CCDC136: variants seen among roughly 807,000 people sequenced by gnomAD.
CCDC136 encodes coiled-coil domain containing 136, also known as coiled-coil domain-containing protein 136.
Under a neutral mutation model 141.2 loss-of-function variants are expected in CCDC136, and 100 were observed. The observed-to-expected ratio is 0.71, with a 90% CI of 0.60 to 0.84. The LOEUF (loss-of-function observed/expected upper bound fraction) is 0.84. Ranked by LOEUF, CCDC136 falls within the 40% of genes least tolerant of loss-of-function variation. CCDC136 has a pLI of 0.00. For missense variants in CCDC136, 1,206 were observed against 1,379.4 expected, an observed-to-expected ratio of 0.87 and a Z score of 1.99; for synonymous variants, 474 against 531.9, an observed-to-expected ratio of 0.89 and a Z score of 1.50.
At chr7:128,809,751 C>A in intron 11 of CCDC136, 107 bp downstream of exon 11, 2 of 813,702 alleles carry the variant, frequency 2.5e-6, no homozygotes, top group Non-Finnish European at 3.8e-6. Flanking sequence ...TTTCTCTTAC[C>A]AACCACTCCT....
chr7:128,812,524 A>G (rs570430798), intron 13 of CCDC136, among the ~76,000 whole-genome samples, 184 bp from the exon 14 acceptor site: 1 of 152,160 alleles, frequency 6.6e-6, no homozygotes, highest in African/African-American at 2.4e-5. Flanking sequence ...ACAGAGGCCC[A>G]TAAGATTCAG....
chr7:128,812,702 C>G lies in CCDC136; in HGVS notation c.2542-6C>G. The G allele has an allele frequency of 6.2e-7, 1 of 1,610,016 alleles. No homozygotes were observed. On this transcript the variant is annotated splice_polypyrimidine_tract_variant and splice_region_variant and intron_variant, in intron 13 of 17. Coordinates refer to ENST00000297788, the MANE Select transcript of CCDC136 (RefSeq NM_022742.5). Reference sequence around the variant, plus strand: ...GGTGCTATTGTTGCTCCCCCACCCCCCGCAGCGCTTTGAGGAAATGGTTGT... The same window carrying G: ...GGTGCTATTGTTGCTCCCCCACCCCGCGCAGCGCTTTGAGGAAATGGTTGT...
At chr7:128,815,330 T>C (rs1806426189) in intron 15 of CCDC136, among the ~76,000 whole-genome samples, 1 of 152,220 alleles carries the variant, frequency 6.6e-6, no homozygotes, top group Non-Finnish European at 1.5e-5. Flanking sequence ...AGAGTCACTG[T>C]AGGGGTGGGA....
At position 128,805,541 on chromosome 7, in the gene CCDC136, G is replaced by A; in HGVS notation, c.948+17G>A. ...AAGAACAAGGTAGGGCACAGAGGGT[G>A]GGGAAGGCAGGCACATTTCTTGTCT... On this transcript the variant is annotated intron_variant, in intron 6 of 17. Transcript: ENST00000297788. This position sits in a 1 kb window ranked among gnomAD's most constrained non-coding sequence, Gnocchi z 4.6. 6.3e-7 allele frequency: 1 copy of A among 1,585,968 alleles called. No individual in the cohort carries two copies. The highest frequency in any genetic ancestry group is 8.6e-7 in the Non-Finnish European group (1 of 1,164,868).
intron 9 of CCDC136, 49 bp downstream of exon 9, chr7:128,806,907 G>C: frequency 6.5e-7 from 1 of 1,542,532 alleles, no homozygotes; most frequent in South Asian, 1.3e-5. Flanking sequence ...ATCATCTTGT[G>C]TGAGGGTGAG....
chr7:128,816,859 G>T (rs1306607747), intron 16 of CCDC136, among the ~76,000 whole-genome samples: 1 of 152,210 alleles, frequency 6.6e-6, no homozygotes. Flanking sequence ...CAACTCTGAG[G>T]ATATCTGGAA....
In CCDC136 at chr7:128,801,377, A is replaced by G. The variant is rs777379017; in HGVS notation, c.538A>G (p.Asn180Asp). 1 of 1,613,508 alleles carries G rather than the reference A, an allele frequency of 6.2e-7. No individual in the cohort carries two copies. Among genetic ancestry groups the G allele is most frequent in the Non-Finnish European group, 8.5e-7 (1 of 1,179,678 alleles). Residue 180 changes from asparagine to aspartate, a missense_variant, in exon 4 of 18, where the codon AAT becomes GAT. Transcript: ENST00000297788. ...GCAGGAGGATCTCTGCCGGATGCAG[A>G]ATGAACTTGAAGACATGGAACGCAT... ...SLQEDLCRMQNELEDMERIRG... is the reference protein window; with the variant it reads ...SLQEDLCRMQDELEDMERIRG...
chr7:128,809,380 G>A lies in CCDC136; in HGVS notation c.1606-70G>A, dbSNP rs530109622. 1.1e-5 allele frequency: 12 copies of A among 1,054,092 alleles called. 1 individual carries two copies. The African/African-American group carries it at 1.9e-4, about 17-fold the overall frequency. The allele number at this position is 1,054,092 out of a possible 1,614,324, so 65.3% of individuals were successfully genotyped here. ...ACAAGAGGCAGGAGAGCGCAGAAGT[G>A]CTCTGTTAGCCACCCAAGAAGCTTA... is the stretch of plus-strand genomic sequence containing the variant. On this transcript the variant is annotated intron_variant, in intron 10 of 17. Coordinates refer to ENST00000297788, the MANE Select transcript of CCDC136 (RefSeq NM_022742.5).
chr7:128,805,084 C>A lies in CCDC136; in HGVS notation c.783-275C>A, dbSNP rs1414573374. 1.3e-5 allele frequency among the ~76,000 whole-genome samples: 2 copies of A among 152,196 alleles called. No homozygotes were observed. Among genetic ancestry groups the A allele is most frequent in the African/African-American group, 4.8e-5 (2 of 41,446 alleles). On this transcript the variant is annotated intron_variant, in intron 5 of 17. Transcript: ENST00000297788. This position sits in a 1 kb window ranked among gnomAD's most constrained non-coding sequence, Gnocchi z 4.6. ...ACTTGTTTCAGTCTAATGGCAGGCA[C>A]AATGCTTCCAGATTGGAGTGGGCTT...
chr7:128,808,060 A>C (rs1805140608), intron 10 of CCDC136, among the ~76,000 whole-genome samples: 1 of 152,146 alleles, frequency 6.6e-6, no homozygotes, highest in African/African-American at 2.4e-5. Context: ...TATGAAATGG[A>C]GTCTCACTCT....
At chr7:128,795,750 G>T (rs2128894832) in intron 3 of CCDC136, among the ~76,000 whole-genome samples, 1 of 152,244 alleles carries the variant, frequency 6.6e-6, no homozygotes, top group Non-Finnish European at 1.5e-5. Context: ...ATCTTTCTGA[G>T]ATGTCATTTC....
In CCDC136 at chr7:128,806,822, G is replaced by T; in HGVS notation, c.1383G>T (p.Arg461Ser). 1 of 1,612,314 alleles carries T rather than the reference G, an allele frequency of 6.2e-7. No individual in the cohort carries two copies. The highest frequency in any genetic ancestry group is 8.5e-7 in the Non-Finnish European group (1 of 1,179,320). ...QCHEAELQHL[R>S]DTVASFKESN... ...ATGAGGCAGAGCTGCAGCACCTCAG[G>T]GATACGGTGGCCTCCTTCAAAGAGA... is the stretch of plus-strand genomic sequence containing the variant. Residue 461 changes from arginine to serine, a missense_variant, in exon 9 of 18, where the codon AGG becomes AGT. Arg to Ser is a moderately radical substitution (Grantham distance 110, BLOSUM62 -1). Transcript: ENST00000297788.
chr7:128,809,429 C>A, intron 10 of CCDC136, 21 bp from the exon 11 acceptor site: 1 of 1,417,062 alleles, frequency 7.1e-7, no homozygotes, highest in Non-Finnish European at 9.7e-7. Flanking sequence ...CCACCCCCTC[C>A]ACACCCGCCC....
At chr7:128,792,572 C>T in intron 1 of CCDC136, 145 bp downstream of exon 1, 1 of 614,952 alleles carries the variant, frequency 1.6e-6, no homozygotes, top group South Asian at 2.2e-5. Context: ...GCTCAGAGCT[C>T]CAGCCCTTCC....
At position 128,805,631 on chromosome 7, in the gene CCDC136, A is replaced by G. The variant is rs1380496099; in HGVS notation, c.948+107A>G. On this transcript the variant is annotated intron_variant, in intron 6 of 17. Transcript: ENST00000297788. The surrounding 1 kb of genome is among the most constrained non-coding windows in gnomAD (Gnocchi z 4.6). ...ATAGGCATCCACTGTGGAGGGAGAT[A>G]GTACTCTGGGGTCTCACTTGCCTGA... 1.1e-5 allele frequency: 16 copies of G among 1,518,810 alleles called. No individual in the cohort carries two copies. In the East Asian group the frequency reaches 3.6e-4, roughly 34 times the overall value. 94.1% of individuals were successfully genotyped at this position (1,518,810 alleles called of 1,614,324 possible). A position where few individuals can be genotyped will look rare whatever the true frequency, so the allele number is the denominator to read the frequency against.
chr7:128,797,639 C>T (rs1419789990), intron 3 of CCDC136, among the ~76,000 whole-genome samples: 1 of 151,952 alleles, frequency 6.6e-6, no homozygotes, highest in Non-Finnish European at 1.5e-5. Context: ...ATGGAGGCAC[C>T]GATTGGATTG....
intron 10 of CCDC136, chr7:128,808,901 G>C (rs1474459131): frequency 3.0e-6 from 3 of 985,158 alleles, no homozygotes; most frequent in Non-Finnish European, 2.4e-6. Flanking sequence ...AGAAGATCTG[G>C]GTTTTTGGAA....
At chr7:128,809,246 C>A (rs1805329720) in intron 10 of CCDC136, 1 of 529,524 alleles carries the variant, frequency 1.9e-6, no homozygotes, top group Non-Finnish European at 3.4e-6. Flanking sequence ...TCTAGAGCAA[C>A]CTGCTCTGAA....
chr7:128,812,255 GA>G lies in CCDC136; in HGVS notation c.2486del (p.Lys829ArgfsTer26). 6.2e-7 allele frequency: 1 copy of G among 1,613,746 alleles called. No homozygotes were observed. Among genetic ancestry groups the G allele is most frequent in the Non-Finnish European group, 8.5e-7 (1 of 1,179,776 alleles). Reference sequence around the variant, plus strand: ...GCACCAGTAGCTCTGACACCTGCCAGAAGAGTTTTGTCAGCAGCTGCACTGA... The same window carrying G: ...GCACCAGTAGCTCTGACACCTGCCAGAGAGTTTTGTCAGCAGCTGCACTGA... ...GSTSSSDTCQ[K>X]SFVSSCTDEE... On this transcript the variant is annotated frameshift_variant, in exon 13 of 18. Transcript: ENST00000297788. LOFTEE classifies it high-confidence loss of function.
Sources: allele counts gnomAD v4.1 joint callset (sites outside exome capture counted in the v4.1 genomes callset), GRCh38; gene constraint gnomAD v4.1.1; non-coding constraint Gnocchi (gnomAD v3.1); transcripts MANE v1.5; gene names NCBI Gene and HGNC (gene_info 2026-07-23, HGNC 2026-07-21).